The following HSPG2 variants were observed in gnomAD, a reference collection of about 807,000 sequenced individuals.
HSPG2 encodes the protein heparan sulfate proteoglycan 2, also known as basement membrane-specific heparan sulfate proteoglycan core protein.
In HSPG2, 278 loss-of-function variants were observed where a neutral mutation model predicts 526.6. The observed-to-expected ratio is 0.53, with a 90% CI of 0.48 to 0.58. The LOEUF (loss-of-function observed/expected upper bound fraction) is 0.58. HSPG2 is among the 20% of genes least tolerant of loss of function. HSPG2 has a pLI of 0.00. For missense variants in HSPG2, 5,354 were observed against 6,099.5 expected, an observed-to-expected ratio of 0.88 and a Z score of 4.07; for synonymous variants, 2,465 against 2,555.4, an observed-to-expected ratio of 0.96 and a Z score of 1.07.
chr1:21,932,791 G>A (rs1029537483), intron 1 of HSPG2, among the ~76,000 whole-genome samples: 7 of 152,340 alleles, frequency 4.6e-5, no homozygotes, highest in Admixed American at 4.6e-4. Context: ...TTGGTCAGGC[G>A]AGGTGGCCCA....
Position 21,879,049 on chromosome 1 carries a change from C to G in HSPG2, c.2416G>C (p.Ala806Pro), listed in dbSNP as rs747527245. 1.9e-5 allele frequency: 31 copies of G among 1,614,094 alleles called. No individual in the cohort carries two copies. Among genetic ancestry groups the G allele is most frequent in the Non-Finnish European group, 2.6e-5 (31 of 1,180,046 alleles). Residue 806 changes from alanine to proline, a missense_variant, in exon 18 of 97, where the codon GCC (alanine) becomes CCC (proline). Ala to Pro is a conservative substitution (Grantham distance 27). Coordinates refer to ENST00000374695, the MANE Select transcript of HSPG2 (RefSeq NM_005529.7). ...KAGFFGDAMK[A>P]TATSCRPCPC... is the part of the protein sequence containing the mutation. ...CAGGGCCGGCAGGAAGTGGCCGTGG[C>G]CTTCATGGCGTCCCCAAAGAAGCCA...
In HSPG2 at chr1:21,847,696, CGGGA is replaced by C. The variant is rs1638553948; in HGVS notation, c.8014_8017del (p.Ser2672AspfsTer74). 6.2e-7 allele frequency: 1 copy of C among 1,607,686 alleles called. No individual in the cohort carries two copies. The highest frequency in any genetic ancestry group is 2.2e-5 in the East Asian group (1 of 44,508). ...TGTGGCTCCACTCTGTACCTGGTGT[CGGGA>C]GGGAAGGCTGCCCCCACGCTTGTAC... On this transcript the variant is annotated frameshift_variant, in exon 61 of 97. Coordinates refer to ENST00000374695, the MANE Select transcript of HSPG2 (RefSeq NM_005529.7). LOFTEE classifies it high-confidence loss of function. This position sits in a 1 kb window ranked among gnomAD's most constrained non-coding sequence, Gnocchi z 4.1.
At position 21,858,965 on chromosome 1, in the gene HSPG2, T is replaced by C. The variant is rs992390034; in HGVS notation, c.5293+601A>G. On this transcript the variant is annotated intron_variant, in intron 42 of 96. Transcript: ENST00000374695. This position sits in a 1 kb window ranked among gnomAD's most constrained non-coding sequence, Gnocchi z 4.2. The stretch of plus-strand genomic sequence containing the variant: ...CAACTGCTCACGGTGGCAATCTGCT[T>C]GGTGACACAGCCTTTATGGACGCCC... Among the ~76,000 whole-genome samples the C allele has an allele frequency of 6.6e-6, 1 of 151,982 alleles. No homozygotes were observed. The highest frequency in any genetic ancestry group is 6.5e-5 in the Admixed American group (1 of 15,272).
rs1639587657 is a variant in HSPG2 at position 21,859,312 on chromosome 1, G to T, written c.5293+254C>A. Among the ~76,000 whole-genome samples the T allele has an allele frequency of 1.3e-5, 2 of 152,244 alleles. No individual in the cohort carries two copies. Among genetic ancestry groups the T allele is most frequent in the Admixed American group, 1.3e-4 (2 of 15,304 alleles). On this transcript the variant is annotated intron_variant, in intron 42 of 96. Transcript: ENST00000374695. This position sits in a 1 kb window ranked among gnomAD's most constrained non-coding sequence, Gnocchi z 5.3. ...TCTGCCCACCTTGGCCTCCCAAAGTGTTGGGATTATAGACGTGACCCACCG... is the reference window on the plus strand; with the variant it reads ...TCTGCCCACCTTGGCCTCCCAAAGTTTTGGGATTATAGACGTGACCCACCG...
chr1:21,824,671 TAGGCCCATGGGCCCTTCC>T lies in HSPG2; in HGVS notation c.12665+15_12665+32del, dbSNP rs1479725788. On this transcript the variant is annotated intron_variant, in intron 92 of 96. Transcript: ENST00000374695. This position sits in a 1 kb window ranked among gnomAD's most constrained non-coding sequence, Gnocchi z 5.9. The stretch of plus-strand genomic sequence containing the variant: ...AGTCCCAGATTCCCATCCTCCCCAT[TAGGCCCATGGGCCCTTCC>T]AATGCCAGTCTCACCTCCTGGAGAA... 2 of 1,612,714 alleles carry T rather than the reference TAGGCCCATGGGCCCTTCC, an allele frequency of 1.2e-6. No individual in the cohort carries two copies. Among genetic ancestry groups the T allele is most frequent in the Non-Finnish European group, 1.7e-6 (2 of 1,179,284 alleles).
At position 21,827,772 on chromosome 1, in the gene HSPG2, T is replaced by C; in HGVS notation, c.12589+91A>G. The C allele has an allele frequency of 2.3e-6, 3 of 1,297,578 alleles. No homozygotes were observed. In the Admixed American group the frequency reaches 5.9e-5, roughly 26 times the overall value. The allele number at this position is 1,297,578 out of a possible 1,614,324, so 80.4% of individuals were successfully genotyped here. A position where few individuals can be genotyped will look rare whatever the true frequency, so the allele number is the denominator to read the frequency against. ...GCCCAGCAAGCTCCTCATATAAAGCTGTTTTGCTTGCAGGCCAGAATTGAG... is the reference window on the plus strand; with the variant it reads ...GCCCAGCAAGCTCCTCATATAAAGCCGTTTTGCTTGCAGGCCAGAATTGAG... On this transcript the variant is annotated intron_variant, in intron 91 of 96. Coordinates refer to ENST00000374695, the MANE Select transcript of HSPG2 (RefSeq NM_005529.7).
chr1:21,840,128 T>G (rs906772121), intron 71 of HSPG2, 111 bp from the exon 72 acceptor site: 4 of 813,282 alleles, frequency 4.9e-6, no homozygotes, highest in Non-Finnish European at 6.3e-6. Context: ...TGGTATCTAT[T>G]TATTTACTTA....
At chr1:21,862,695 G>A (rs1251882388) in intron 37 of HSPG2, among the ~76,000 whole-genome samples, 1 of 151,980 alleles carries the variant, frequency 6.6e-6, no homozygotes, top group East Asian at 1.9e-4. Flanking sequence ...GTCAAAAAGG[G>A]TGATGCTAAT....
chr1:21,830,796 G>C, intron 85 of HSPG2, 186 bp downstream of exon 85: 1 of 608,658 alleles, frequency 1.6e-6, no homozygotes, highest in East Asian at 2.8e-5. Context: ...GGAAGCAGCA[G>C]TGATGGGGTG....
chr1:21,832,415 T>A (rs2098008450), intron 81 of HSPG2, 80 bp downstream of exon 81: 5 of 1,165,016 alleles, frequency 4.3e-6, no homozygotes, highest in Non-Finnish European at 6.5e-6. Context: ...CTCCTTTGTA[T>A]AATGGAGCCC....
chr1:21,843,213 C>G, intron 66 of HSPG2, 84 bp downstream of exon 66: 1 of 1,584,946 alleles, frequency 6.3e-7, no homozygotes, highest in South Asian at 1.1e-5. Context: ...AATAAGTGCC[C>G]GGCTGGGAGA....
intron 1 of HSPG2, among the ~76,000 whole-genome samples, chr1:21,914,524 T>A (rs11578002): frequency 0.026 from 3,975 of 152,228 alleles, 89 homozygotes; most frequent in African/African-American, 0.054. Context: ...TGACCCTCCA[T>A]AGCCAGGTGT....
In HSPG2 at chr1:21,854,880, G is replaced by A; in HGVS notation, c.6101C>T (p.Ala2034Val). 1 of 1,614,152 alleles carries A rather than the reference G, an allele frequency of 6.2e-7. No homozygotes were observed. The highest frequency in any genetic ancestry group is 8.5e-7 in the Non-Finnish European group (1 of 1,180,024). ...LCVATSPAGT[A>V]QARIQVVVLS... is the part of the protein sequence containing the mutation. ...GACAACCACTTGGATCCGGGCCTGGGCAGTGCCTGCAGGGCTGGTGGCCAC... is the reference window on the plus strand; with the variant it reads ...GACAACCACTTGGATCCGGGCCTGGACAGTGCCTGCAGGGCTGGTGGCCAC... The change falls in exon 48 of 97, where the codon GCC (alanine) becomes GTC (valine). Residue 2034 changes from alanine (A) to valine (V), a missense_variant. Coordinates refer to ENST00000374695, the MANE Select transcript of HSPG2 (RefSeq NM_005529.7).
At chr1:21,891,615 GTTTC>G (rs148367696) in intron 3 of HSPG2, among the ~76,000 whole-genome samples, 12,593 of 152,062 alleles carry the variant, frequency 0.083, 1,238 homozygotes, top group East Asian at 0.25. Context: ...TGCATCTGTT[GTTTC>G]TTTTTTTTTT....
At chr1:21,915,290 G>C (rs1456135238) in intron 1 of HSPG2, among the ~76,000 whole-genome samples, 1 of 152,234 alleles carries the variant, frequency 6.6e-6, no homozygotes, top group African/African-American at 2.4e-5. Context: ...GGGACTGCCA[G>C]GGGAGGCCTC....
chr1:21,882,754 C>T (rs977464121), intron 13 of HSPG2, among the ~76,000 whole-genome samples: 1 of 152,028 alleles, frequency 6.6e-6, no homozygotes, highest in Admixed American at 6.5e-5. Flanking sequence ...GGATGGAGAG[C>T]GTACAACCTC....
chr1:21,925,939 C>G (rs1644178882), intron 1 of HSPG2, among the ~76,000 whole-genome samples: 1 of 151,876 alleles, frequency 6.6e-6, no homozygotes, highest in Non-Finnish European at 1.5e-5. Context: ...AAGCAATTCT[C>G]CTGCCTTAGC....
At chr1:21,891,172 A>C (rs1032227429) in intron 3 of HSPG2, among the ~76,000 whole-genome samples, 1 of 152,206 alleles carries the variant, frequency 6.6e-6, no homozygotes, top group African/African-American at 2.4e-5. Flanking sequence ...GGGCTCCCAC[A>C]GTGCCCTGCT....
Position 21,852,224 on chromosome 1 carries a change from G to A in HSPG2, c.6734C>T (p.Pro2245Leu), listed in dbSNP as rs1317609913. The change falls in exon 53 of 97, where the codon CCA (proline) becomes CTA (leucine). Residue 2245 changes from proline to leucine, a missense_variant. Pro to Leu is a moderately conservative substitution (Grantham distance 98, BLOSUM62 -3). Transcript: ENST00000374695. ...IEASVIPGPI[P>L]PVRIESSSST... ...GGATGAAGACTCGATCCTGACAGGTGGGATGGGTCCTGCAGCAGTGGGGAT... is the reference window on the plus strand; with the variant it reads ...GGATGAAGACTCGATCCTGACAGGTAGGATGGGTCCTGCAGCAGTGGGGAT... 6.2e-7 allele frequency: 1 copy of A among 1,614,070 alleles called. No individual in the cohort carries two copies. The highest frequency in any genetic ancestry group is 8.5e-7 in the Non-Finnish European group (1 of 1,180,044).
Sources: allele counts gnomAD v4.1 joint callset (sites outside exome capture counted in the v4.1 genomes callset), GRCh38; gene constraint gnomAD v4.1.1; non-coding constraint Gnocchi (gnomAD v3.1); transcripts MANE v1.5; gene names NCBI Gene and HGNC (gene_info 2026-07-23, HGNC 2026-07-21).